Variants in STOM observed in about 807,000 individuals in gnomAD.
The protein encoded by STOM is stomatin.
STOM carries 25 observed loss-of-function variants against 30.6 expected under a neutral mutation model. The ratio of observed to expected loss-of-function variants is 0.82; its 90% CI spans 0.60 to 1.14. The LOEUF (loss-of-function observed/expected upper bound fraction) is 1.14, where lower values mean the gene tolerates loss of function less well. Ranked by LOEUF, STOM falls within the 50% of genes most tolerant of loss-of-function variation. The pLI is 0.00. For synonymous variants in STOM, 118 were observed against 130.8 expected (o/e 0.90, Z 0.67); for missense variants, 292 against 365.2 (o/e 0.80, Z 1.63).
intron 4 of STOM, 102 bp downstream of exon 4, chr9:121,353,116 AAT>A (rs2064353715): frequency 3.9e-6 from 2 of 518,184 alleles, no homozygotes; most frequent in African/African-American, 4.1e-5. Flanking sequence ...AACAAACAAA[AAT>A]TTAAAATAAA....
At chr9:121,361,996 C>T (rs574984707) in intron 1 of STOM, among the ~76,000 whole-genome samples, 5 of 152,252 alleles carry the variant, frequency 3.3e-5, no homozygotes, top group South Asian at 2.1e-4. Flanking sequence ...TGATCTGATC[C>T]GTCTGTGGCC....
rs3213873 is a variant in STOM at position 121,341,007 on chromosome 9, G to T, written c.*195C>A. 30,730 of 1,425,262 alleles carry T rather than the reference G, an allele frequency of 0.022. 1,557 individuals are homozygous for T. The highest frequency in any genetic ancestry group is 0.19 in the Admixed American group (6,577 of 34,788). 88.3% of individuals were successfully genotyped at this position (1,425,262 alleles called of 1,614,324 possible). A position where few individuals can be genotyped will look rare whatever the true frequency, so the allele number is the denominator to read the frequency against. On this transcript the variant is annotated 3_prime_UTR_variant, in exon 7 of 7. Transcript: ENST00000286713. Reference sequence around the variant, plus strand: ...ACTTTTAACTATTTTAAGACTAACAGATTACCTTATATAAATCACCAATCT... The same window carrying T: ...ACTTTTAACTATTTTAAGACTAACATATTACCTTATATAAATCACCAATCT...
At position 121,339,115 on chromosome 9, in the gene STOM, G is replaced by T. The variant is rs1243139815; in HGVS notation, c.*2087C>A. 10 of 152,308 alleles carry T rather than the reference G, an allele frequency of 6.6e-5. No individual in the cohort carries two copies. In the East Asian group the frequency reaches 1.9e-3, roughly 29 times the overall value. The allele number at this position is 152,308 out of a possible 1,614,324, so 9.4% of individuals were successfully genotyped here. Reference sequence around the variant, plus strand: ...ATACACTTTATTATGTACATTGTTGGAAAGGGAGGCCACCTGGAGAAACTT... The same window carrying T: ...ATACACTTTATTATGTACATTGTTGTAAAGGGAGGCCACCTGGAGAAACTT... On this transcript the variant is annotated 3_prime_UTR_variant, in exon 7 of 7. Transcript: ENST00000286713.
chr9:121,366,980 G>A (rs1176573628), intron 1 of STOM, among the ~76,000 whole-genome samples: 2 of 151,646 alleles, frequency 1.3e-5, no homozygotes, highest in African/African-American at 4.9e-5. Context: ...CCAGCTACTC[G>A]AGGGGCTGAG....
In STOM at chr9:121,341,303, G is replaced by C. The variant is rs2064244713; in HGVS notation, c.766C>G (p.Leu256Val). 6.2e-7 allele frequency: 1 copy of C among 1,614,104 alleles called. No homozygotes were observed. Among genetic ancestry groups the C allele is most frequent in the Admixed American group, 1.7e-5 (1 of 60,010 alleles). ...AALQLRYLQT[L>V]TTIAAEKNST... ...TTTTTCTCAGCAGCAATGGTGGTCAGTGTCTGCAGGTATCGGAGCTGAAGG... is the reference window on the plus strand; with the variant it reads ...TTTTTCTCAGCAGCAATGGTGGTCACTGTCTGCAGGTATCGGAGCTGAAGG... Residue 256 changes from leucine (L) to valine (V), a missense_variant, in exon 7 of 7, where the codon CTG becomes GTG. Coordinates refer to ENST00000286713, the MANE Select transcript of STOM (RefSeq NM_004099.6).
At chr9:121,365,769 C>T (rs306798) in intron 1 of STOM, among the ~76,000 whole-genome samples, 49,699 of 151,828 alleles carry the variant, frequency 0.33, 8,399 homozygotes, top group Admixed American at 0.4. Context: ...GGAGATAAAA[C>T]GAGAAAATAT....
chr9:121,354,987 C>T (rs1462447881), intron 2 of STOM, among the ~76,000 whole-genome samples: 2 of 152,052 alleles, frequency 1.3e-5, no homozygotes, highest in East Asian at 1.9e-4. Context: ...AGGCCAGGCA[C>T]GGTGGCTCAC....
intron 1 of STOM, among the ~76,000 whole-genome samples, chr9:121,357,983 G>A (rs2064412042): frequency 1.3e-5 from 2 of 151,954 alleles, no homozygotes; most frequent in South Asian, 4.1e-4. Context: ...TGACCATTTT[G>A]ATATCTACCT....
At chr9:121,354,705 TGAA>T (rs756572209) in intron 2 of STOM, 32 bp from the exon 3 acceptor site, 1 of 1,520,582 alleles carries the variant, frequency 6.6e-7, no homozygotes, top group Non-Finnish European at 9.0e-7. Flanking sequence ...TAATTTAACA[TGAA>T]GAGTACAAAT....
At chr9:121,354,311 C>T (rs1267234611) in intron 3 of STOM, among the ~76,000 whole-genome samples, 1 of 152,112 alleles carries the variant, frequency 6.6e-6, no homozygotes, top group East Asian at 1.9e-4. Flanking sequence ...TACATGAACT[C>T]TTATCTAAGA....
chr9:121,368,405 A>G (rs1310924191), intron 1 of STOM, among the ~76,000 whole-genome samples: 1 of 152,212 alleles, frequency 6.6e-6, no homozygotes, highest in Non-Finnish European at 1.5e-5. Flanking sequence ...GTATTGAGGA[A>G]TGCATGCTAA....
intron 1 of STOM, among the ~76,000 whole-genome samples, chr9:121,356,964 C>T (rs914341814): frequency 1.3e-5 from 2 of 151,698 alleles, no homozygotes; most frequent in Non-Finnish European, 2.9e-5. Flanking sequence ...GCCTGGGCAA[C>T]AGAGGAAGAA....
chr9:121,339,490 A>G lies in STOM; in HGVS notation c.*1712T>C. 2 of 1,209,070 alleles carry G rather than the reference A, an allele frequency of 1.7e-6. No homozygotes were observed. The highest frequency in any genetic ancestry group is 3.2e-5 in the East Asian group (1 of 31,166). 74.9% of individuals were successfully genotyped at this position (1,209,070 alleles called of 1,614,324 possible). The stretch of plus-strand genomic sequence containing the variant: ...ACATGGTAGTTCAAGGCTTCCTAAA[A>G]TAAGCTTGAAATTGGGGTACAGGGG... On this transcript the variant is annotated 3_prime_UTR_variant, in exon 7 of 7. Coordinates refer to ENST00000286713, the MANE Select transcript of STOM (RefSeq NM_004099.6).
chr9:121,362,590 C>G (rs4497040), intron 1 of STOM, among the ~76,000 whole-genome samples: 1 of 152,148 alleles, frequency 6.6e-6, no homozygotes, highest in Non-Finnish European at 1.5e-5. Flanking sequence ...TTATACAACT[C>G]TTAAAATTCT....
chr9:121,346,537 A>T (rs2064291514), intron 6 of STOM, among the ~76,000 whole-genome samples: 1 of 152,212 alleles, frequency 6.6e-6, no homozygotes, highest in Admixed American at 6.5e-5. Flanking sequence ...CTACTATTCA[A>T]TCTGGTTTGG....
intron 6 of STOM, among the ~76,000 whole-genome samples, chr9:121,346,980 T>C (rs1035015522): frequency 6.6e-6 from 1 of 152,254 alleles, no homozygotes; most frequent in Admixed American, 6.5e-5. Context: ...CAACTCCTCC[T>C]ATGAAAACTG....
intron 1 of STOM, chr9:121,369,768 G>A (rs2064545340): frequency 3.7e-6 from 1 of 273,846 alleles, no homozygotes; most frequent in African/African-American, 2.2e-5. Context: ...CAAAGGGTGA[G>A]ATGTGGGGTC....
chr9:121,357,232 A>G (rs538695390), intron 1 of STOM, among the ~76,000 whole-genome samples: 1 of 152,076 alleles, frequency 6.6e-6, no homozygotes, highest in Non-Finnish European at 1.5e-5. Context: ...ATCTTTGTAC[A>G]CGGCTTTCCT....
At chr9:121,368,809 G>A (rs956768841) in intron 1 of STOM, among the ~76,000 whole-genome samples, 1 of 151,870 alleles carries the variant, frequency 6.6e-6, no homozygotes, top group Non-Finnish European at 1.5e-5. Context: ...GCATGGTGGT[G>A]CACGCCTGTA....
Sources: gnomAD v4.1 joint callset for allele counts (sites outside exome capture counted in the v4.1 genomes callset) on GRCh38, gnomAD v4.1.1 for gene constraint, MANE v1.5 for transcripts, NCBI Gene and HGNC (gene_info 2026-07-23, HGNC 2026-07-21) for gene names.